EYA4: variants seen among roughly 807,000 people sequenced by gnomAD.
EYA4 encodes EYA transcriptional coactivator and phosphatase 4, also known as protein phosphatase EYA4.
EYA4 carries 31 observed loss-of-function variants against 87.9 expected under a neutral mutation model. That is an observed-to-expected ratio of 0.35 (90% CI 0.27 to 0.48). The LOEUF is 0.48. Ranked by LOEUF, EYA4 falls within the 20% of genes least tolerant of loss-of-function variation. EYA4 has a pLI of 0.99. For missense variants in EYA4, 678 were observed against 761.4 expected, an observed-to-expected ratio of 0.89 and a Z score of 1.29; for synonymous variants, 263 against 270.6, an observed-to-expected ratio of 0.97 and a Z score of 0.28.
At chr6:133,244,545 C>A (rs1562198697) in intron 1 of EYA4, among the ~76,000 whole-genome samples, 6 of 150,838 alleles carry the variant, frequency 4.0e-5, no homozygotes, top group African/African-American at 1.2e-4. Context: ...ATAGAAGTTT[C>A]TTTTTTGACG....
chr6:133,417,191 AG>A (rs1325162134), intron 3 of EYA4, among the ~76,000 whole-genome samples: 1 of 152,216 alleles, frequency 6.6e-6, no homozygotes, highest in East Asian at 1.9e-4. Context: ...GGGTAATTAA[AG>A]GCCAGAGAGG....
chr6:133,243,253 G>A (rs1262552500), intron 1 of EYA4, among the ~76,000 whole-genome samples: 2 of 152,182 alleles, frequency 1.3e-5, no homozygotes, highest in Admixed American at 1.3e-4. Flanking sequence ...CAACAGGTTA[G>A]GTTTCACATT....
In EYA4 at chr6:133,361,805, G is replaced by T. The variant is rs1318774463; in HGVS notation, c.34-20587G>T. ...GTTGATGAGGAAGAATTGGAGAGAT[G>T]ATTGTAATCCAAGTACCTGGAAATA... On this transcript the variant is annotated intron_variant, in intron 2 of 19. Coordinates refer to ENST00000355286, the MANE Select transcript of EYA4 (RefSeq NM_004100.5). 2.6e-5 allele frequency among the ~76,000 whole-genome samples: 4 copies of T among 152,312 alleles called. No homozygotes were observed. The South Asian group carries it at 8.3e-4, about 32-fold the overall frequency.
chr6:133,483,388 GAAAAAAA>G (rs950372216), intron 13 of EYA4, among the ~76,000 whole-genome samples: 1 of 151,316 alleles, frequency 6.6e-6, no homozygotes, highest in African/African-American at 2.4e-5. Context: ...AATTATTTTA[GAAAAAAA>G]ATTGTAAATC....
At chr6:133,468,827 C>A in intron 11 of EYA4, 96 bp downstream of exon 11, 3 of 1,247,472 alleles carry the variant, frequency 2.4e-6, no homozygotes, top group Non-Finnish European at 3.5e-6. Flanking sequence ...CGGAAAGCTC[C>A]CAGATAATTG....
chr6:133,486,484 A>G (rs1250836503), intron 13 of EYA4, among the ~76,000 whole-genome samples: 2 of 150,710 alleles, frequency 1.3e-5, no homozygotes, highest in East Asian at 3.9e-4. Context: ...TTCATTTAAC[A>G]AATAGTTAGT....
chr6:133,398,226 A>C (rs1787967177), intron 3 of EYA4, among the ~76,000 whole-genome samples: 1 of 152,212 alleles, frequency 6.6e-6, no homozygotes. Flanking sequence ...GGAATGACCA[A>C]ACTGGTTTTG....
intron 5 of EYA4, chr6:133,453,463 C>A (rs563535381): frequency 6.6e-6 from 1 of 151,922 alleles, no homozygotes; most frequent in Non-Finnish European, 1.5e-5. Context: ...TCTAACATGT[C>A]TTAATAAATC....
chr6:133,400,736 G>C (rs1788193043), intron 3 of EYA4, among the ~76,000 whole-genome samples: 1 of 151,912 alleles, frequency 6.6e-6, no homozygotes, highest in Non-Finnish European at 1.5e-5. Context: ...AAATACCTTG[G>C]AGATATCTTA....
In EYA4 at chr6:133,530,365, G is replaced by A. The variant is rs1800938356; in HGVS notation, c.*1560G>A. ...TTTTTCCTTGTGTGTAGCCCATGTT[G>A]GGAACACGATACAGGTTCTCCTCTT... On this transcript the variant is annotated 3_prime_UTR_variant, in exon 20 of 20. Transcript: ENST00000355286. 3.0e-6 allele frequency: 3 copies of A among 985,342 alleles called. No homozygotes were observed. Among genetic ancestry groups the A allele is most frequent in the Non-Finnish European group, 3.6e-6 (3 of 829,912 alleles). The allele number at this position is 985,342 out of a possible 1,614,324, so 61.0% of individuals were successfully genotyped here.
chr6:133,361,492 T>C (rs1784446310), intron 2 of EYA4, among the ~76,000 whole-genome samples: 2 of 152,194 alleles, frequency 1.3e-5, no homozygotes, highest in South Asian at 4.1e-4. Context: ...TTGTGAGTAA[T>C]AAGTCTCTGA....
chr6:133,393,154 G>A (rs1436445990), intron 3 of EYA4, among the ~76,000 whole-genome samples: 4 of 152,150 alleles, frequency 2.6e-5, no homozygotes, highest in African/African-American at 9.7e-5. Flanking sequence ...CTGTAGTGCA[G>A]AAATTCTAGA....
intron 6 of EYA4, among the ~76,000 whole-genome samples, chr6:133,458,734 C>CA: frequency 6.6e-6 from 1 of 152,238 alleles, no homozygotes; most frequent in East Asian, 1.9e-4. Context: ...TTCTCACCCC[C>CA]ACCCACTTCT....
At chr6:133,419,969 T>C (rs1015639853) in intron 3 of EYA4, among the ~76,000 whole-genome samples, 3 of 152,160 alleles carry the variant, frequency 2.0e-5, no homozygotes, top group African/African-American at 7.2e-5. Context: ...CCATTTAGTA[T>C]GTGTTATGTG....
intron 2 of EYA4, among the ~76,000 whole-genome samples, chr6:133,279,741 A>G (rs978767513): frequency 4.6e-5 from 7 of 152,082 alleles, no homozygotes; most frequent in African/African-American, 1.7e-4. Context: ...GAGATCCTAC[A>G]GTATTATCTT....
chr6:133,339,419 G>T lies in EYA4; in HGVS notation c.34-42973G>T, dbSNP rs866385265. ...GTAATGGTTGCAGTTAGGTCAGACT[G>T]TATGGATAGAGGTAGTACAGAGCCA... On this transcript the variant is annotated intron_variant, in intron 2 of 19. Coordinates refer to ENST00000355286, the MANE Select transcript of EYA4 (RefSeq NM_004100.5). Among the ~76,000 whole-genome samples the T allele has an allele frequency of 4.1e-4, 63 of 152,304 alleles. 1 individual carries two copies. Among genetic ancestry groups the T allele is most frequent in the Middle Eastern group, 3.4e-3 (1 of 294 alleles).
intron 3 of EYA4, among the ~76,000 whole-genome samples, chr6:133,441,128 A>G (rs1051946868): frequency 6.6e-6 from 1 of 152,010 alleles, no homozygotes; most frequent in Admixed American, 6.6e-5. Context: ...TTTTTTGATA[A>G]TATTACACAG....
intron 2 of EYA4, among the ~76,000 whole-genome samples, chr6:133,300,475 A>G (rs1275457658): frequency 2.0e-5 from 3 of 152,142 alleles, no homozygotes; most frequent in Admixed American, 1.3e-4. Context: ...TAGTCTCTGT[A>G]TTAATCACAA....
At chr6:133,339,278 A>G (rs1160028636) in intron 2 of EYA4, among the ~76,000 whole-genome samples, 1 of 152,178 alleles carries the variant, frequency 6.6e-6, no homozygotes, top group African/African-American at 2.4e-5. Flanking sequence ...GACAAGTTCA[A>G]ATACCAAGCT....
Sources: gnomAD v4.1 joint callset for allele counts (sites outside exome capture counted in the v4.1 genomes callset) on GRCh38, gnomAD v4.1.1 for gene constraint, MANE v1.5 for transcripts, NCBI Gene and HGNC (gene_info 2026-07-23, HGNC 2026-07-21) for gene names.